The following PDE4A variants were observed in gnomAD, a reference collection of about 807,000 sequenced individuals.
The protein encoded by PDE4A is phosphodiesterase 4A.
Under a neutral mutation model 73.9 loss-of-function variants are expected in PDE4A, and 21 were observed. The ratio of observed to expected loss-of-function variants is 0.28; its 90% CI spans 0.20 to 0.41. The LOEUF (loss-of-function observed/expected upper bound fraction) is 0.41. Among genes scored for constraint, PDE4A ranks in the 10% least tolerant of loss-of-function variants. The pLI, the probability that PDE4A is intolerant of heterozygous loss-of-function variation, is 1.00. For synonymous variants in PDE4A, 463 were observed against 505.4 expected (o/e 0.92, Z 1.13); for missense variants, 958 against 1,211.4 (o/e 0.79, Z 3.10).
chr19:10,463,731 G>A, intron 13 of PDE4A, 62 bp from the exon 14 acceptor site: 2 of 1,593,092 alleles, frequency 1.3e-6, no homozygotes, highest in South Asian at 2.2e-5. Context: ...GAATGCCTGA[G>A]GTCTCAGACT....
Position 10,424,174 on chromosome 19 carries a change from G to C in PDE4A, c.320+3090G>C, listed in dbSNP as rs1484391180. Among the ~76,000 whole-genome samples the C allele has an allele frequency of 3.3e-5, 5 of 152,192 alleles. No homozygotes were observed. The highest frequency in any genetic ancestry group is 5.9e-5 in the Non-Finnish European group (4 of 68,030). On this transcript the variant is annotated intron_variant, in intron 1 of 14. Transcript: ENST00000380702. This position sits in a 1 kb window ranked among gnomAD's most constrained non-coding sequence, Gnocchi z 4.8. ...AAGATGTATGAGACGGCTGAGTCAC[G>C]GCACAGCCACGATCTGTCAAGAGGC...
chr19:10,425,639 G>A (rs2042707584), intron 1 of PDE4A, among the ~76,000 whole-genome samples: 1 of 152,186 alleles, frequency 6.6e-6, no homozygotes, highest in African/African-American at 2.4e-5. Flanking sequence ...GGCAGGGTGA[G>A]AACAGAATTG....
At chr19:10,426,423 A>G (rs1202023614) in intron 1 of PDE4A, among the ~76,000 whole-genome samples, 1 of 151,468 alleles carries the variant, frequency 6.6e-6, no homozygotes, top group Non-Finnish European at 1.5e-5. Context: ...TTTCCCTCTC[A>G]TTAGCTATTG....
rs1329603980 is a variant in PDE4A at position 10,449,153 on chromosome 19, A to T, written c.620+3A>T. On this transcript the variant is annotated splice_donor_region_variant and intron_variant, in intron 4 of 14. Coordinates refer to ENST00000380702, the MANE Select transcript of PDE4A (RefSeq NM_001111307.2). ...AATGTGCCCGTTCCCAGTAACAAGT[A>T]AGTGAAGGCTGGGCTGCAACAGCTG... 6.2e-7 allele frequency: 1 copy of T among 1,613,198 alleles called. No homozygotes were observed.
upstream of PDE4A, chr19:10,417,993 C>A: frequency 9.1e-7 from 1 of 1,102,988 alleles, no homozygotes; most frequent in Non-Finnish European, 1.3e-6. Flanking sequence ...TGCAACTTGT[C>A]CTGTGGCGGG....
intron 13 of PDE4A, among the ~76,000 whole-genome samples, chr19:10,462,754 C>A (rs2043294810): frequency 6.6e-6 from 1 of 152,152 alleles, no homozygotes; most frequent in African/African-American, 2.4e-5. Flanking sequence ...CCCTGTCCCT[C>A]TCCCTAACCA....
In PDE4A at chr19:10,467,912, A is replaced by C. The variant is rs1163140497; in HGVS notation, c.*291A>C. 1 of 263,792 alleles carries C rather than the reference A, an allele frequency of 3.8e-6. No homozygotes were observed. Among genetic ancestry groups the C allele is most frequent in the Non-Finnish European group, 7.1e-6 (1 of 141,252 alleles). The allele number at this position is 263,792 out of a possible 1,614,324, so 16.3% of individuals were successfully genotyped here. ...TTTTAGAAAAAGAACAAAAAAAGAAAAAAAAAAGAAAGAAACACAGCAACT... is the reference window on the plus strand; with the variant it reads ...TTTTAGAAAAAGAACAAAAAAAGAACAAAAAAAGAAAGAAACACAGCAACT... On this transcript the variant is annotated 3_prime_UTR_variant, in exon 15 of 15. Transcript: ENST00000380702.
intron 1 of PDE4A, among the ~76,000 whole-genome samples, chr19:10,422,631 G>A (rs2042665484): frequency 6.6e-6 from 1 of 152,050 alleles, no homozygotes; most frequent in Admixed American, 6.6e-5. Flanking sequence ...GTCTCTTTGG[G>A]GGTCTTCAGC....
Position 10,459,412 on chromosome 19 carries a change from C to A in PDE4A, c.1114C>A (p.Leu372Met), listed in dbSNP as rs745375870. Residue 372 changes from leucine (L) to methionine (M), a missense_variant, in exon 9 of 15, where the codon CTG becomes ATG. By Grantham distance (15) the Leu-to-Met change is conservative. Around this residue, in one of 3 missense-constraint regions of PDE4A, gnomAD observed 570 missense variants for 827.7 expected, o/e 0.69. Transcript: ENST00000380702. ...CCGTCTCCACCAGGAACTGGAGAACCTGAACAAGTGGGGCCTGAACATCTT... is the reference window on the plus strand; with the variant it reads ...CCGTCTCCACCAGGAACTGGAGAACATGAACAAGTGGGGCCTGAACATCTT... The part of the protein sequence containing the change: ...EELLAQELEN[L>M]NKWGLNIFCV... 1.2e-6 allele frequency: 2 copies of A among 1,614,242 alleles called. No homozygotes were observed. Among genetic ancestry groups the A allele is most frequent in the Admixed American group, 3.3e-5 (2 of 60,018 alleles).
intron 5 of PDE4A, 22 bp from the exon 6 acceptor site, chr19:10,450,807 A>G: frequency 6.3e-7 from 1 of 1,592,864 alleles, no homozygotes; most frequent in Non-Finnish European, 8.5e-7. Flanking sequence ...CTCAGTCACT[A>G]CCCTGGCTGC....
In PDE4A at chr19:10,420,752, G is replaced by T; in HGVS notation, c.-13G>T. The T allele has an allele frequency of 6.5e-7, 1 of 1,545,370 alleles. No homozygotes were observed. The highest frequency in any genetic ancestry group is 1.4e-5 in the African/African-American group (1 of 70,604). ...GGCCAGGGCCCCCTGGGGCGCAAGT[G>T]GGGGCCGGCGCCATGGAACCCCCGA... On this transcript the variant is annotated 5_prime_UTR_variant, in exon 1 of 15. Coordinates refer to ENST00000380702, the MANE Select transcript of PDE4A (RefSeq NM_001111307.2). The surrounding 1 kb of genome is among the most constrained non-coding windows in gnomAD (Gnocchi z 6.0).
chr19:10,439,038 C>T (rs1015918697), intron 1 of PDE4A, among the ~76,000 whole-genome samples: 6 of 152,160 alleles, frequency 3.9e-5, no homozygotes, highest in African/African-American at 9.7e-5. Flanking sequence ...TTTTGGCCAT[C>T]GTGAATTACG....
At chr19:10,443,187 C>T (rs962998522) in intron 1 of PDE4A, among the ~76,000 whole-genome samples, 1 of 151,828 alleles carries the variant, frequency 6.6e-6, no homozygotes, top group African/African-American at 2.4e-5. Flanking sequence ...TGATAAGCTG[C>T]AAACTTGGAG....
At chr19:10,439,123 T>G (rs1424393504) in intron 1 of PDE4A, among the ~76,000 whole-genome samples, 1 of 151,898 alleles carries the variant, frequency 6.6e-6, no homozygotes, top group Non-Finnish European at 1.5e-5. Flanking sequence ...GACCTAGGAG[T>G]GGGATTGCGC....
chr19:10,417,712 T>C, upstream of PDE4A: 1 of 1,594,064 alleles, frequency 6.3e-7, no homozygotes, highest in Non-Finnish European at 8.5e-7. Context: ...GGGGCCGACC[T>C]GCGTCGCCCT....
chr19:10,429,686 G>A (rs1476608402), intron 1 of PDE4A, among the ~76,000 whole-genome samples: 1 of 152,186 alleles, frequency 6.6e-6, no homozygotes, highest in Non-Finnish European at 1.5e-5. Context: ...AGCTGTGGGT[G>A]GCATTCTAGG....
chr19:10,432,971 C>G (rs1042249358), intron 1 of PDE4A, among the ~76,000 whole-genome samples: 3 of 152,210 alleles, frequency 2.0e-5, no homozygotes, highest in Admixed American at 6.5e-5. Flanking sequence ...TCCCCACCCC[C>G]TCTCATGCTG....
chr19:10,419,294 G>T (rs866595825), upstream of PDE4A, among the ~76,000 whole-genome samples: 162 of 147,432 alleles, frequency 1.1e-3, no homozygotes, highest in Non-Finnish European at 1.8e-3. Context: ...CCTTGGGGGG[G>T]TTGAGGGGGA....
chr19:10,438,446 C>T (rs1332882521), intron 1 of PDE4A, among the ~76,000 whole-genome samples: 1 of 151,888 alleles, frequency 6.6e-6, no homozygotes, highest in Admixed American at 6.6e-5. Flanking sequence ...AAACTTTAAG[C>T]ACAAACACAC....
Sources: gnomAD v4.1 joint callset for allele counts (sites outside exome capture counted in the v4.1 genomes callset) on GRCh38, gnomAD v4.1.1 for gene constraint, gnomAD v4.1.1 regional missense constraint, Gnocchi (gnomAD v3.1) non-coding constraint, MANE v1.5 for transcripts, NCBI Gene and HGNC (gene_info 2026-07-23, HGNC 2026-07-21) for gene names.